The following KLF7 variants were observed in gnomAD, a reference collection of about 807,000 sequenced individuals.
The protein encoded by KLF7 is KLF transcription factor 7.
In KLF7, 2 loss-of-function variants were observed where a neutral mutation model predicts 27.3. That is an observed-to-expected ratio of 0.07 (90% CI 0.03 to 0.23). The LOEUF (loss-of-function observed/expected upper bound fraction) is 0.23, where lower values mean the gene tolerates loss of function less well. KLF7 is among the 10% of genes least tolerant of loss of function. The pLI is 1.00. For synonymous variants in KLF7, 165 were observed against 162.4 expected, an observed-to-expected ratio of 1.02 and a Z score of -0.12; for missense variants, 221 against 394.1, an observed-to-expected ratio of 0.56 and a Z score of 3.72.
upstream of KLF7, chr2:207,167,060 G>A (rs2078737434): frequency 1.6e-6 from 2 of 1,262,600 alleles, no homozygotes; most frequent in Non-Finnish European, 2.1e-6. Flanking sequence ...CGTTAAAGAG[G>A]CTAGAGGGAG....
At chr2:207,162,001 A>G (rs1200155571) in intron 1 of KLF7, among the ~76,000 whole-genome samples, 1 of 152,226 alleles carries the variant, frequency 6.6e-6, no homozygotes, top group Non-Finnish European at 1.5e-5. Flanking sequence ...CAATGACACG[A>G]CGCAAAGCTA....
chr2:207,097,888 T>C (rs1179089470), intron 2 of KLF7, among the ~76,000 whole-genome samples: 4 of 152,176 alleles, frequency 2.6e-5, no homozygotes, highest in Admixed American at 2.0e-4. Context: ...TTCTAGTAGT[T>C]TCTAGTGGGC....
At chr2:207,147,925 T>A (rs539539751) in intron 1 of KLF7, among the ~76,000 whole-genome samples, 2 of 152,348 alleles carry the variant, frequency 1.3e-5, no homozygotes, top group African/African-American at 4.8e-5. Context: ...AAAACCATGT[T>A]TTCCAATAAA....
chr2:207,124,376 T>C lies in KLF7; in HGVS notation c.131A>G (p.Gln44Arg). ...CTCTGAGATCCTCCGGGGCTCCGTC[T>C]GTAGGTAGCGTTCCAATTCAAGGCA... ...QTCLELERYL[Q>R]TEPRRISETF... The change falls in exon 2 of 4, where the codon CAG (glutamine) becomes CGG (arginine). Residue 44 changes from glutamine to arginine, a missense_variant. Around this residue, in one of 3 missense-constraint regions of KLF7, gnomAD observed 180 missense variants for 227.9 expected, o/e 0.79. Coordinates refer to ENST00000309446, the MANE Select transcript of KLF7 (RefSeq NM_003709.4). The C allele has an allele frequency of 6.4e-7, 1 of 1,573,154 alleles. No individual in the cohort carries two copies. Among genetic ancestry groups the C allele is most frequent in the Non-Finnish European group, 8.7e-7 (1 of 1,155,680 alleles).
At chr2:207,119,020 A>G (rs2077264757) in intron 2 of KLF7, among the ~76,000 whole-genome samples, 1 of 152,240 alleles carries the variant, frequency 6.6e-6, no homozygotes, top group Non-Finnish European at 1.5e-5. Context: ...ATGCTAAGCA[A>G]ATTGCACACT....
At chr2:207,136,922 G>A (rs1574537584) in intron 1 of KLF7, among the ~76,000 whole-genome samples, 1 of 152,084 alleles carries the variant, frequency 6.6e-6, no homozygotes, top group African/African-American at 2.4e-5. Flanking sequence ...TTGCTGCTTC[G>A]TACTCATCAG....
In KLF7 at chr2:207,123,964, G is replaced by A. The variant is rs144211223; in HGVS notation, c.543C>T (p.Val181=). The A allele has an allele frequency of 1.3e-5, 21 of 1,614,158 alleles. No individual in the cohort carries two copies. The highest frequency in any genetic ancestry group is 8.3e-5 in the Admixed American group (5 of 60,020). ...AALSSVKVGG[V]ATAAAAVTAA... ...CCGTCACGGCTGCTGCAGCTGTTGC[G>A]ACCCCTCCCACCTTTACGGAGCTGA... Residue 181 remains valine, a synonymous_variant, in exon 2 of 4, where the codon GTC becomes GTT. Coordinates refer to ENST00000309446, the MANE Select transcript of KLF7 (RefSeq NM_003709.4).
At chr2:207,160,225 C>T (rs2078503774) in intron 1 of KLF7, among the ~76,000 whole-genome samples, 1 of 151,904 alleles carries the variant, frequency 6.6e-6, no homozygotes, top group South Asian at 2.1e-4. Context: ...AAACATTCCG[C>T]CCCCCTACCC....
At chr2:207,149,123 C>A in intron 1 of KLF7, 1 of 1,285,080 alleles carries the variant, frequency 7.8e-7, no homozygotes, top group Non-Finnish European at 1.0e-6. Context: ...TCCCCAGTCC[C>A]ACCCAGTCAT....
At chr2:207,151,818 G>A (rs187468708) in intron 1 of KLF7, among the ~76,000 whole-genome samples, 25 of 151,414 alleles carry the variant, frequency 1.7e-4, no homozygotes, top group African/African-American at 5.1e-4. Context: ...AAAAGTAATC[G>A]GAGATTGGAA....
intron 2 of KLF7, among the ~76,000 whole-genome samples, chr2:207,094,475 A>G (rs2076581068): frequency 6.6e-6 from 1 of 152,224 alleles, no homozygotes; most frequent in Non-Finnish European, 1.5e-5. Context: ...AAAACTGGAA[A>G]AGAGGAATAC....
rs770457768 is a variant in KLF7 at position 207,123,904 on chromosome 2, A to G, written c.603T>C (p.Ser201=). The G allele has an allele frequency of 3.7e-6, 6 of 1,613,780 alleles. No individual in the cohort carries two copies. In the African/African-American group the frequency reaches 4.0e-5, roughly 11 times the overall value. ...AGAVKSGQSD[S]DQGGLGAEAC... ...CTTCAGCCCCCAGCCCTCCTTGGTC[A>G]CTGTCGCTCTGTCCACTCTTAACGG... Residue 201 remains serine (S), a synonymous_variant, in exon 2 of 4, where the codon AGT becomes AGC. Coordinates refer to ENST00000309446, the MANE Select transcript of KLF7 (RefSeq NM_003709.4).
chr2:207,107,640 C>T (rs2076914139), intron 2 of KLF7, among the ~76,000 whole-genome samples: 1 of 152,248 alleles, frequency 6.6e-6, no homozygotes, highest in African/African-American at 2.4e-5. Flanking sequence ...TCCCCACCGG[C>T]TCCTGTGTGC....
chr2:207,151,857 T>C (rs2078256890), intron 1 of KLF7, among the ~76,000 whole-genome samples: 1 of 152,078 alleles, frequency 6.6e-6, no homozygotes, highest in African/African-American at 2.4e-5. Context: ...CAGCAAGTAA[T>C]TTTTTTAAAT....
chr2:207,140,017 T>C lies in KLF7; in HGVS notation c.103-15613A>G, dbSNP rs976202512. Among the ~76,000 whole-genome samples the C allele has an allele frequency of 7.9e-5, 12 of 152,316 alleles. No homozygotes were observed. In the East Asian group the frequency reaches 1.9e-3, roughly 25 times the overall value. On this transcript the variant is annotated intron_variant, in intron 1 of 3. Coordinates refer to ENST00000309446, the MANE Select transcript of KLF7 (RefSeq NM_003709.4). ...GATTCTCCTGCCTCAGCCTTCCGAATAGCTGGGACTATAGGTGCCCGCCAT... is the reference window on the plus strand; with the variant it reads ...GATTCTCCTGCCTCAGCCTTCCGAACAGCTGGGACTATAGGTGCCCGCCAT...
Position 207,123,886 on chromosome 2 carries a change from C to T in KLF7, c.621G>A (p.Gly207=). The change falls in exon 2 of 4, where the codon GGG becomes GGA. Residue 207 remains glycine (G), a synonymous_variant. Transcript: ENST00000309446. The part of the protein sequence containing the change: ...GQSDSDQGGL[G]AEACPENKKR... ...TCTTGTTTTCGGGACATGCTTCAGC[C>T]CCCAGCCCTCCTTGGTCACTGTCGC... 1.2e-6 allele frequency: 2 copies of T among 1,613,898 alleles called. No homozygotes were observed. Among genetic ancestry groups the T allele is most frequent in the Non-Finnish European group, 1.7e-6 (2 of 1,180,018 alleles).
chr2:207,110,735 T>C (rs2077014575), intron 2 of KLF7, among the ~76,000 whole-genome samples: 3 of 152,220 alleles, frequency 2.0e-5, no homozygotes, highest in Admixed American at 6.5e-5. Flanking sequence ...GCACATCATC[T>C]AAATCCTGAC....
intron 1 of KLF7, among the ~76,000 whole-genome samples, chr2:207,124,975 G>T (rs1045156349): frequency 1.3e-5 from 2 of 152,200 alleles, no homozygotes; most frequent in African/African-American, 4.8e-5. Context: ...TAACCAGCAG[G>T]AAAGAATACT....
intron 2 of KLF7, among the ~76,000 whole-genome samples, chr2:207,115,306 G>A (rs1251404702): frequency 6.6e-6 from 1 of 152,116 alleles, no homozygotes; most frequent in South Asian, 2.1e-4. Flanking sequence ...GTCCAATCCC[G>A]GGTCAGTCCC....
Sources: allele counts gnomAD v4.1 joint callset (sites outside exome capture counted in the v4.1 genomes callset), GRCh38; gene constraint gnomAD v4.1.1; regional missense constraint gnomAD v4.1.1; transcripts MANE v1.5; gene names NCBI Gene and HGNC (gene_info 2026-07-23, HGNC 2026-07-21).